Variants in DZANK1 observed in about 807,000 individuals in gnomAD.
DZANK1 encodes double zinc ribbon and ankyrin repeat-containing protein 1.
A neutral mutation model predicts 94.5 loss-of-function variants in DZANK1; 91 were observed. The ratio of observed to expected loss-of-function variants is 0.96; its 90% CI spans 0.81 to 1.15. The LOEUF is 1.15. DZANK1 is among the 50% of genes most tolerant of loss of function. DZANK1 has a pLI of 0.00. For missense variants in DZANK1, 903 were observed against 916.4 expected, an observed-to-expected ratio of 0.99 and a Z score of 0.19; for synonymous variants, 312 against 325.3, an observed-to-expected ratio of 0.96 and a Z score of 0.44.
intron 7 of DZANK1, among the ~76,000 whole-genome samples, chr20:18,445,241 A>C (rs138950202): frequency 1.3e-5 from 2 of 152,206 alleles, no homozygotes; most frequent in African/African-American, 4.8e-5. Context: ...AGAGTTAAAG[A>C]AGTTTATTTC....
chr20:18,424,377 C>G (rs566035123), intron 10 of DZANK1, among the ~76,000 whole-genome samples: 1 of 152,002 alleles, frequency 6.6e-6, no homozygotes, highest in East Asian at 1.9e-4. Context: ...ATGGCTTGAA[C>G]CCAGAAGGTG....
At chr20:18,408,228 A>C (rs1440499443) in intron 13 of DZANK1, among the ~76,000 whole-genome samples, 2 of 152,230 alleles carry the variant, frequency 1.3e-5, no homozygotes, top group Non-Finnish European at 2.9e-5. Context: ...AGGCAGGAGA[A>C]TCGCTTCAAC....
intron 17 of DZANK1, among the ~76,000 whole-genome samples, chr20:18,393,459 G>A (rs557125845): frequency 6.6e-6 from 1 of 152,154 alleles, no homozygotes; most frequent in Non-Finnish European, 1.5e-5. Flanking sequence ...AAAGTCGAAA[G>A]ATAGGCAGAC....
chr20:18,451,151 G>C (rs1017884990), intron 6 of DZANK1, among the ~76,000 whole-genome samples: 2 of 152,096 alleles, frequency 1.3e-5, no homozygotes, highest in Non-Finnish European at 2.9e-5. Flanking sequence ...TCACCATATT[G>C]GCCAGGCTGG....
rs1334214596 is a variant in DZANK1, at chr20:18,414,368, C to G, written c.1222G>C (p.Glu408Gln). The G allele has an allele frequency of 1.5e-5, 24 of 1,613,826 alleles. No homozygotes were observed. The highest frequency in any genetic ancestry group is 1.9e-5 in the Non-Finnish European group (23 of 1,179,890). ...CTCACCTCAGAAAAAGGGCGAGGTT[C>G]CTCAGCAGCTAGAGCCAGGCTTCTG... Residue 408 changes from glutamate (E) to glutamine (Q), a missense_variant, in exon 12 of 21, where the codon GAA (glutamate) becomes CAA (glutamine). Coordinates refer to ENST00000262547, the Ensembl canonical transcript of DZANK1.
intron 17 of DZANK1, among the ~76,000 whole-genome samples, chr20:18,393,102 AAGG>A (rs1331879321): frequency 2.0e-5 from 3 of 152,198 alleles, no homozygotes; most frequent in African/African-American, 7.2e-5. Flanking sequence ...GGGCCCAAGA[AAGG>A]AGAAGGGCAG....
At chr20:18,458,552 A>G (rs2059367589) in intron 3 of DZANK1, among the ~76,000 whole-genome samples, 1 of 152,264 alleles carries the variant, frequency 6.6e-6, no homozygotes, top group African/African-American at 2.4e-5. Flanking sequence ...ATCTGGTTAC[A>G]GATATAGATG....
At chr20:18,404,115 C>A (rs1385263013) in intron 13 of DZANK1, among the ~76,000 whole-genome samples, 1 of 151,486 alleles carries the variant, frequency 6.6e-6, no homozygotes, top group African/African-American at 2.4e-5. Context: ...TTTCTTAGAA[C>A]ATTATGAGAT....
Position 18,427,714 on chromosome 20 carries a change from A to T in DZANK1, c.862-555T>A, listed in dbSNP as rs182553977. On this transcript the variant is annotated intron_variant, in intron 9 of 20. Transcript: ENST00000262547. ...TAAACAGTAAACAGAAAGACCCTAGACCAGCAAGGGATTATCTGTGTGTTT... is the reference window on the plus strand; with the variant it reads ...TAAACAGTAAACAGAAAGACCCTAGTCCAGCAAGGGATTATCTGTGTGTTT... Among the ~76,000 whole-genome samples, 22 of 152,104 alleles carry T rather than the reference A, an allele frequency of 1.4e-4. No individual in the cohort carries two copies. In the East Asian group the frequency reaches 4.1e-3, roughly 28 times the overall value.
At chr20:18,455,449 C>T (rs1161732933) in intron 3 of DZANK1, 88 bp from the exon 4 acceptor site, 1 of 791,056 alleles carries the variant, frequency 1.3e-6, no homozygotes, top group Non-Finnish European at 2.1e-6. Flanking sequence ...ATTAAAGTGC[C>T]TTAGTCTAGC....
chr20:18,452,483 A>G (rs944144328), intron 6 of DZANK1, 132 bp downstream of exon 6: 1 of 1,058,432 alleles, frequency 9.4e-7, no homozygotes, highest in South Asian at 1.9e-5. Context: ...TGTCCAGTAC[A>G]GTATTCCCAG....
intron 15 of DZANK1, chr20:18,394,851 T>C: frequency 2.2e-6 from 1 of 456,780 alleles, no homozygotes; most frequent in Non-Finnish European, 4.4e-6. Flanking sequence ...GAGCCTCAGT[T>C]TCCTCACCTG....
At chr20:18,446,422 A>T (rs1241132887) in intron 7 of DZANK1, among the ~76,000 whole-genome samples, 1 of 152,234 alleles carries the variant, frequency 6.6e-6, no homozygotes, top group Non-Finnish European at 1.5e-5. Context: ...AATAACAAGG[A>T]TAATTAGAAA....
intron 3 of DZANK1, among the ~76,000 whole-genome samples, chr20:18,457,478 A>G (rs2059329340): frequency 6.6e-6 from 1 of 152,226 alleles, no homozygotes; most frequent in Non-Finnish European, 1.5e-5. Context: ...CCCTGTCTCA[A>G]AAAACAAATG....
chr20:18,443,498 C>G, intron 7 of DZANK1, 34 bp from the exon 8 acceptor site: 1 of 1,207,450 alleles, frequency 8.3e-7, no homozygotes, highest in Non-Finnish European at 1.1e-6. Flanking sequence ...TGGCCATGTT[C>G]TGGTGGGCCC....
chr20:18,455,312 C>T, exon 4 of DZANK1: 1 of 1,609,528 alleles, frequency 6.2e-7, no homozygotes, highest in Non-Finnish European at 8.5e-7. Flanking sequence ...TTTGGTGGTT[C>T]ATAGTCTACG....
intron 8 of DZANK1, among the ~76,000 whole-genome samples, chr20:18,442,650 G>A (rs907296318): frequency 1.3e-5 from 2 of 152,090 alleles, no homozygotes; most frequent in African/African-American, 4.8e-5. Flanking sequence ...TCTGGACTTG[G>A]AACTCACTCA....
chr20:18,434,545 CAAAAAAAAAA>C (rs55680576), intron 8 of DZANK1, among the ~76,000 whole-genome samples: 734 of 47,580 alleles, frequency 0.015, 8 homozygotes, highest in Middle Eastern at 0.028. Flanking sequence ...GACTCCTGCT[CAAAAAAAAAA>C]AAAAAAAAAA....
intron 13 of DZANK1, among the ~76,000 whole-genome samples, chr20:18,403,034 G>C (rs1407154515): frequency 6.6e-6 from 1 of 152,134 alleles, no homozygotes; most frequent in Non-Finnish European, 1.5e-5. Flanking sequence ...TGAGTACACA[G>C]GGCTCCCTCT....
Sources: allele counts gnomAD v4.1 joint callset (sites outside exome capture counted in the v4.1 genomes callset), GRCh38; gene constraint gnomAD v4.1.1; transcripts MANE v1.5; gene names NCBI Gene and HGNC (gene_info 2026-07-23, HGNC 2026-07-21).